Variants in NT5DC1 observed in about 807,000 individuals in gnomAD.
NT5DC1 encodes 5'-nucleotidase domain containing 1.
Under a neutral mutation model 59.4 loss-of-function variants are expected in NT5DC1, and 42 were observed. The observed-to-expected ratio is 0.71, with a 90% CI of 0.55 to 0.92. NT5DC1 has a LOEUF of 0.92. NT5DC1 is among the 40% of genes least tolerant of loss of function. The pLI is 0.00. For missense variants in NT5DC1, 501 were observed against 537.1 expected (o/e 0.93, Z 0.66); for synonymous variants, 172 against 188.1 (o/e 0.91, Z 0.70).
chr6:116,221,415 G>A (rs552740938), intron 7 of NT5DC1, among the ~76,000 whole-genome samples, 187 bp downstream of exon 7: 10 of 152,240 alleles, frequency 6.6e-5, no homozygotes, highest in African/African-American at 1.9e-4. Flanking sequence ...GTACATTTTA[G>A]CAAAGCAGTG....
At chr6:116,172,786 T>C (rs1356374334) in intron 6 of NT5DC1, among the ~76,000 whole-genome samples, 1 of 152,184 alleles carries the variant, frequency 6.6e-6, no homozygotes, top group Non-Finnish European at 1.5e-5. Context: ...TCAAAACTCT[T>C]TTCACATCTG....
chr6:116,132,257 T>A (rs929671214), intron 6 of NT5DC1, among the ~76,000 whole-genome samples: 9 of 152,194 alleles, frequency 5.9e-5, no homozygotes, highest in African/African-American at 1.9e-4. Flanking sequence ...TTGAACTTTT[T>A]AATTTTTGTC....
intron 6 of NT5DC1, among the ~76,000 whole-genome samples, chr6:116,149,863 T>G (rs974898955): frequency 6.6e-6 from 1 of 152,226 alleles, no homozygotes; most frequent in Non-Finnish European, 1.5e-5. Context: ...AGGAATTTGA[T>G]TTGCACAACA....
intron 6 of NT5DC1, among the ~76,000 whole-genome samples, chr6:116,207,143 ATC>A (rs1200760136): frequency 6.6e-6 from 1 of 151,974 alleles, no homozygotes; most frequent in Non-Finnish European, 1.5e-5. Flanking sequence ...GGGAGCTGAT[ATC>A]TCTGCATTAA....
intron 3 of NT5DC1, among the ~76,000 whole-genome samples, chr6:116,110,555 T>C (rs1562117749): frequency 6.6e-6 from 1 of 152,216 alleles, no homozygotes; most frequent in Non-Finnish European, 1.5e-5. Flanking sequence ...GTTCATCTTA[T>C]TTGTGTAGTT....
chr6:116,209,143 C>T (rs1781521335), intron 6 of NT5DC1, among the ~76,000 whole-genome samples: 1 of 151,892 alleles, frequency 6.6e-6, no homozygotes, highest in African/African-American at 2.4e-5. Context: ...GTTACTGTCC[C>T]GTAGTTATTA....
intron 6 of NT5DC1, among the ~76,000 whole-genome samples, chr6:116,127,311 C>G (rs1309083294): frequency 6.6e-6 from 1 of 152,076 alleles, no homozygotes; most frequent in Non-Finnish European, 1.5e-5. Context: ...CCTTGTATAG[C>G]CCTTTATGGA....
chr6:116,180,965 G>A (rs966127543), intron 6 of NT5DC1, among the ~76,000 whole-genome samples: 1 of 151,952 alleles, frequency 6.6e-6, no homozygotes, highest in Non-Finnish European at 1.5e-5. Context: ...AAGAATTATT[G>A]TTATATTTTT....
chr6:116,229,414 G>T (rs1184307372), intron 8 of NT5DC1, among the ~76,000 whole-genome samples: 1 of 152,202 alleles, frequency 6.6e-6, no homozygotes, highest in Non-Finnish European at 1.5e-5. Flanking sequence ...ACGAAACACA[G>T]CATGGCCTTA....
intron 6 of NT5DC1, among the ~76,000 whole-genome samples, chr6:116,186,631 C>T (rs774715532): frequency 4.6e-5 from 7 of 151,956 alleles, no homozygotes; most frequent in African/African-American, 9.7e-5. Flanking sequence ...GCCTTGTCTT[C>T]GAGCTCTGAC....
chr6:116,147,294 T>A (rs1213988870), intron 6 of NT5DC1, among the ~76,000 whole-genome samples: 2 of 151,702 alleles, frequency 1.3e-5, no homozygotes, highest in Non-Finnish European at 2.9e-5. Flanking sequence ...ATACAAAAAG[T>A]AGCTGGGCGT....
chr6:116,148,605 A>AT (rs1779955204), intron 6 of NT5DC1, among the ~76,000 whole-genome samples: 1 of 152,244 alleles, frequency 6.6e-6, no homozygotes, highest in African/African-American at 2.4e-5. Context: ...TATTATATGT[A>AT]TTTTTTTAGA....
intron 6 of NT5DC1, among the ~76,000 whole-genome samples, chr6:116,184,622 A>G (rs566853724): frequency 7.6e-4 from 115 of 152,066 alleles, no homozygotes; most frequent in African/African-American, 2.6e-3. Flanking sequence ...GGAGGGTTGT[A>G]TATTTCCAGG....
intron 6 of NT5DC1, among the ~76,000 whole-genome samples, chr6:116,160,123 A>G (rs537046849): frequency 3.9e-5 from 6 of 152,290 alleles, no homozygotes; most frequent in South Asian, 4.2e-4. Flanking sequence ...TCCTTTATGT[A>G]TATACATAGT....
At chr6:116,161,029 A>G (rs1254207435) in intron 6 of NT5DC1, among the ~76,000 whole-genome samples, 2 of 152,054 alleles carry the variant, frequency 1.3e-5, no homozygotes, top group Non-Finnish European at 2.9e-5. Flanking sequence ...TGATGAGTTC[A>G]TGTCCTTTGT....
intron 6 of NT5DC1, among the ~76,000 whole-genome samples, chr6:116,142,079 A>G (rs1302378198): frequency 6.6e-6 from 1 of 152,072 alleles, no homozygotes; most frequent in Non-Finnish European, 1.5e-5. Flanking sequence ...AACAAATGGA[A>G]TTGATATTAG....
At chr6:116,141,489 TC>T (rs751153090) in intron 6 of NT5DC1, among the ~76,000 whole-genome samples, 3 of 152,174 alleles carry the variant, frequency 2.0e-5, no homozygotes, top group Non-Finnish European at 4.4e-5. Context: ...TTCCCAACTT[TC>T]CAGTGGGACT....
chr6:116,128,663 A>G (rs953177463), intron 6 of NT5DC1, among the ~76,000 whole-genome samples: 5 of 152,128 alleles, frequency 3.3e-5, no homozygotes, highest in African/African-American at 9.7e-5. Flanking sequence ...TATATATTCT[A>G]TACCCTTAAA....
chr6:116,121,631 C>T, intron 6 of NT5DC1: 1 of 1,614,006 alleles, frequency 6.2e-7, no homozygotes, highest in Non-Finnish European at 8.5e-7. Flanking sequence ...TCCTGTGGGT[C>T]CCTGTTGTCC....
Sources: allele counts gnomAD v4.1 joint callset (sites outside exome capture counted in the v4.1 genomes callset), GRCh38; gene constraint gnomAD v4.1.1; transcripts MANE v1.5; gene names NCBI Gene and HGNC (gene_info 2026-07-23, HGNC 2026-07-21).